Variants in PTPRD observed in about 807,000 individuals in gnomAD.
PTPRD encodes the protein receptor-type tyrosine-protein phosphatase delta.
A neutral mutation model predicts 214.5 loss-of-function variants in PTPRD; 34 were observed. That is an observed-to-expected ratio of 0.16 (90% CI 0.12 to 0.21). The LOEUF is 0.21. Ranked by LOEUF, PTPRD falls within the 10% of genes least tolerant of loss-of-function variation. The pLI, the probability that PTPRD is intolerant of heterozygous loss-of-function variation, is 1.00. For synonymous variants in PTPRD, 1,128 were observed against 845.7 expected (o/e 1.33, Z -5.79); for missense variants, 2,545 against 2,398.7 (o/e 1.06, Z -1.27).
At chr9:10,394,634 T>G (rs1010453039) in intron 2 of PTPRD, among the ~76,000 whole-genome samples, 18 of 152,096 alleles carry the variant, frequency 1.2e-4, no homozygotes, top group African/African-American at 4.3e-4. Context: ...TCGCACATCC[T>G]AATAGTCACT....
chr9:9,362,644 T>C (rs1734204719), intron 9 of PTPRD, among the ~76,000 whole-genome samples: 1 of 151,206 alleles, frequency 6.6e-6, no homozygotes, highest in African/African-American at 2.4e-5. Context: ...CTAAGAACAA[T>C]TTTTAGTTGA....
chr9:8,806,521 C>A (rs1358743825), intron 11 of PTPRD, among the ~76,000 whole-genome samples: 10 of 152,178 alleles, frequency 6.6e-5, no homozygotes, highest in Non-Finnish European at 1.0e-4. Flanking sequence ...CCCCCTTTTA[C>A]ATTGACTTCT....
intron 2 of PTPRD, among the ~76,000 whole-genome samples, chr9:10,403,380 G>T (rs1297323717): frequency 6.7e-6 from 1 of 150,306 alleles, no homozygotes; most frequent in Non-Finnish European, 1.5e-5. Flanking sequence ...TAACTATTTT[G>T]AAATTTTAGT....
chr9:9,151,155 C>T (rs1375750458), intron 10 of PTPRD, among the ~76,000 whole-genome samples: 1 of 152,224 alleles, frequency 6.6e-6, no homozygotes, highest in Non-Finnish European at 1.5e-5. Flanking sequence ...CTTACTCTCT[C>T]TTGCACTTTT....
chr9:9,759,076 G>C (rs2098623553), intron 6 of PTPRD, among the ~76,000 whole-genome samples: 1 of 152,008 alleles, frequency 6.6e-6, no homozygotes, highest in African/African-American at 2.4e-5. Flanking sequence ...AACCAATTTT[G>C]ATGATTTCCG....
At chr9:9,415,590 A>G (rs1417520761) in intron 8 of PTPRD, among the ~76,000 whole-genome samples, 1 of 152,230 alleles carries the variant, frequency 6.6e-6, no homozygotes, top group Non-Finnish European at 1.5e-5. Context: ...TTCCCTTATA[A>G]GCAACTGAAT....
intron 11 of PTPRD, among the ~76,000 whole-genome samples, chr9:8,780,150 C>T (rs1409165505): frequency 1.3e-5 from 2 of 152,086 alleles, no homozygotes; most frequent in Non-Finnish European, 2.9e-5. Context: ...TAAAACGACT[C>T]TAAATTCACC....
rs548292469 is a variant in PTPRD at position 8,638,010 on chromosome 9, C to T, written c.65-1166G>A. Reference sequence around the variant, plus strand: ...GGAGGAGGCATTTTAATTATTTCTCCGACTGCTTTCCATCTTTTACACTTC... The same window carrying T: ...GGAGGAGGCATTTTAATTATTTCTCTGACTGCTTTCCATCTTTTACACTTC... On this transcript the variant is annotated intron_variant, in intron 12 of 45. Coordinates refer to ENST00000381196, the MANE Select transcript of PTPRD (RefSeq NM_002839.4). Among the ~76,000 whole-genome samples the T allele has an allele frequency of 1.6e-4, 25 of 151,960 alleles. No homozygotes were observed. The East Asian group carries it at 2.3e-3, about 14-fold the overall frequency.
At chr9:9,943,810 T>C (rs1003480116) in intron 4 of PTPRD, among the ~76,000 whole-genome samples, 2 of 152,088 alleles carry the variant, frequency 1.3e-5, no homozygotes, top group Non-Finnish European at 2.9e-5. Context: ...AAAAATCCTT[T>C]TTCAGGATTA....
chr9:9,479,624 A>T (rs2147021332), intron 8 of PTPRD, among the ~76,000 whole-genome samples: 1 of 152,308 alleles, frequency 6.6e-6, no homozygotes, highest in South Asian at 2.1e-4. Context: ...GTATTATTAG[A>T]TACCATTCTT....
At chr9:10,524,051 G>A (rs562826306) in intron 2 of PTPRD, among the ~76,000 whole-genome samples, 7 of 151,964 alleles carry the variant, frequency 4.6e-5, no homozygotes, top group Non-Finnish European at 8.8e-5. Context: ...GAAGGTGTCC[G>A]TCTTATAAGT....
At chr9:8,677,860 G>T (rs933620868) in intron 12 of PTPRD, among the ~76,000 whole-genome samples, 1 of 152,144 alleles carries the variant, frequency 6.6e-6, no homozygotes, top group African/African-American at 2.4e-5. Flanking sequence ...CATTTATTTA[G>T]TTCTAAGATT....
At chr9:10,461,086 T>G (rs1450133071) in intron 2 of PTPRD, among the ~76,000 whole-genome samples, 1 of 151,806 alleles carries the variant, frequency 6.6e-6, no homozygotes, top group Non-Finnish European at 1.5e-5. Flanking sequence ...GACAAAAGAC[T>G]CGAATAGACA....
chr9:10,472,484 T>G (rs186330652), intron 2 of PTPRD, among the ~76,000 whole-genome samples: 1 of 152,082 alleles, frequency 6.6e-6, no homozygotes, highest in Non-Finnish European at 1.5e-5. Flanking sequence ...TTGAGGCAGG[T>G]TGGAGTAGTT....
intron 30 of PTPRD, among the ~76,000 whole-genome samples, chr9:8,476,225 C>T (rs908313524): frequency 3.3e-5 from 5 of 152,178 alleles, no homozygotes; most frequent in Non-Finnish European, 7.3e-5. Context: ...CTCAGATCAT[C>T]AGGCATTAGA....
intron 10 of PTPRD, among the ~76,000 whole-genome samples, chr9:9,047,675 T>G (rs967389919): frequency 6.6e-6 from 1 of 152,124 alleles, no homozygotes; most frequent in African/African-American, 2.4e-5. Context: ...TAAATGGTGC[T>G]GGGAAAACTG....
chr9:9,568,019 T>G (rs2085128074), intron 8 of PTPRD, among the ~76,000 whole-genome samples: 2 of 151,742 alleles, frequency 1.3e-5, no homozygotes, highest in Non-Finnish European at 2.9e-5. Context: ...CTTTCAATAT[T>G]GAGGGATTCT....
intron 11 of PTPRD, among the ~76,000 whole-genome samples, chr9:8,833,082 T>A (rs901401738): frequency 6.6e-6 from 1 of 152,128 alleles, no homozygotes. Flanking sequence ...AATAACAGCA[T>A]TGGCACATCC....
chr9:9,936,182 T>A (rs896045007), intron 5 of PTPRD, among the ~76,000 whole-genome samples: 2 of 148,470 alleles, frequency 1.3e-5, no homozygotes, highest in African/African-American at 5.2e-5. Flanking sequence ...GGACTTCATG[T>A]CTAAAACACC....
Sources: gnomAD v4.1 joint callset for allele counts (sites outside exome capture counted in the v4.1 genomes callset) on GRCh38, gnomAD v4.1.1 for gene constraint, MANE v1.5 for transcripts, NCBI Gene and HGNC (gene_info 2026-07-23, HGNC 2026-07-21) for gene names.